Variants in CSMD3 observed in about 807,000 individuals in gnomAD.
CSMD3 encodes CUB and Sushi multiple domains 3.
A neutral mutation model predicts 435.2 loss-of-function variants in CSMD3; 177 were observed. That is an observed-to-expected ratio of 0.41 (90% CI 0.36 to 0.46). CSMD3 has a LOEUF of 0.46. Ranked by LOEUF, CSMD3 falls within the 20% of genes least tolerant of loss-of-function variation. CSMD3 has a pLI of 0.34. For synonymous variants in CSMD3, 1,656 were observed against 1,520.5 expected (o/e 1.09, Z -2.07); for missense variants, 4,265 against 4,504.6 (o/e 0.95, Z 1.52).
At chr8:113,397,904 T>C (rs2094491377) in intron 1 of CSMD3, among the ~76,000 whole-genome samples, 2 of 151,996 alleles carry the variant, frequency 1.3e-5, no homozygotes, top group Admixed American at 1.3e-4. Context: ...ACAGCTGAGT[T>C]CAAACAGCAG....
intron 64 of CSMD3, 124 bp downstream of exon 64, chr8:112,246,896 A>G (rs1033377491): frequency 2.7e-5 from 20 of 739,462 alleles, no homozygotes; most frequent in Non-Finnish European, 4.8e-5. Flanking sequence ...TGCATATAAT[A>G]TGTTTTATAA....
At chr8:113,431,686 A>G (rs2130082523) in intron 1 of CSMD3, among the ~76,000 whole-genome samples, 1 of 152,124 alleles carries the variant, frequency 6.6e-6, no homozygotes, top group East Asian at 1.9e-4. Flanking sequence ...TTTGCATTTG[A>G]GATCTTAGAA....
intron 32 of CSMD3, among the ~76,000 whole-genome samples, chr8:112,465,992 G>T (rs1462591067): frequency 6.8e-6 from 1 of 147,244 alleles, no homozygotes; most frequent in Non-Finnish European, 1.5e-5. Context: ...AAAAAAAAGA[G>T]TTCCCTGTTC....
chr8:112,608,590 AT>A (rs1832978330), intron 22 of CSMD3, among the ~76,000 whole-genome samples: 1 of 151,984 alleles, frequency 6.6e-6, no homozygotes, highest in Non-Finnish European at 1.5e-5. Context: ...AAAACTATAT[AT>A]ATATATATAC....
intron 9 of CSMD3, among the ~76,000 whole-genome samples, chr8:112,925,818 T>G (rs1159275236): frequency 6.6e-6 from 1 of 152,242 alleles, no homozygotes; most frequent in African/African-American, 2.4e-5. Context: ...GGCCCATGGA[T>G]GTCCTCTGAT....
At chr8:113,156,795 G>T (rs1241040717) in intron 4 of CSMD3, among the ~76,000 whole-genome samples, 4 of 141,724 alleles carry the variant, frequency 2.8e-5, no homozygotes, top group African/African-American at 5.2e-5. Flanking sequence ...GCCAGGCCTG[G>T]TGGCACATGC....
chr8:112,717,008 G>C (rs1302788245), intron 13 of CSMD3, among the ~76,000 whole-genome samples: 1 of 152,070 alleles, frequency 6.6e-6, no homozygotes, highest in African/African-American at 2.4e-5. Context: ...TATGGGCATG[G>C]GTAAAGATTT....
At chr8:112,633,952 A>C (rs2074586138) in intron 22 of CSMD3, among the ~76,000 whole-genome samples, 1 of 152,076 alleles carries the variant, frequency 6.6e-6, no homozygotes, top group African/African-American at 2.4e-5. Context: ...AAGAATGTTT[A>C]GATTCCAAAT....
chr8:113,198,686 G>C (rs2092686500), intron 3 of CSMD3, among the ~76,000 whole-genome samples: 1 of 150,932 alleles, frequency 6.6e-6, no homozygotes, highest in Non-Finnish European at 1.5e-5. Flanking sequence ...TGCAATGTTA[G>C]ATATTAATAT....
chr8:112,900,360 G>T (rs565800221), intron 10 of CSMD3, among the ~76,000 whole-genome samples: 1 of 151,282 alleles, frequency 6.6e-6, no homozygotes, highest in African/African-American at 2.4e-5. Context: ...TGGAAGATGA[G>T]ATGTGTCTCT....
chr8:112,831,963 T>A (rs1200240017), intron 11 of CSMD3, among the ~76,000 whole-genome samples: 1 of 152,166 alleles, frequency 6.6e-6, no homozygotes, highest in Non-Finnish European at 1.5e-5. Context: ...TGGATACTAA[T>A]CCCTTACATT....
intron 1 of CSMD3, among the ~76,000 whole-genome samples, chr8:113,383,006 T>C (rs1269945500): frequency 6.6e-6 from 1 of 151,382 alleles, no homozygotes; most frequent in Non-Finnish European, 1.5e-5. Flanking sequence ...ATAAAAGTAA[T>C]AAATAAACAG....
intron 38 of CSMD3, among the ~76,000 whole-genome samples, chr8:112,368,361 T>C (rs1827989992): frequency 6.6e-6 from 1 of 152,194 alleles, no homozygotes; most frequent in African/African-American, 2.4e-5. Flanking sequence ...TGAGTGAATC[T>C]CAGATAAACT....
intron 38 of CSMD3, among the ~76,000 whole-genome samples, chr8:112,374,817 A>T (rs1419112728): frequency 6.6e-6 from 1 of 152,176 alleles, no homozygotes; most frequent in Non-Finnish European, 1.5e-5. Flanking sequence ...CACATTTCAC[A>T]GATTGCATAA....
At chr8:112,415,559 G>A (rs922268894) in intron 32 of CSMD3, among the ~76,000 whole-genome samples, 1 of 152,172 alleles carries the variant, frequency 6.6e-6, no homozygotes, top group African/African-American at 2.4e-5. Flanking sequence ...ACTGCCTAGT[G>A]GAGCTATGAG....
chr8:112,953,524 C>T (rs967087753), intron 8 of CSMD3, among the ~76,000 whole-genome samples: 10 of 151,322 alleles, frequency 6.6e-5, no homozygotes, highest in African/African-American at 2.2e-4. Context: ...ACAGGTAACC[C>T]TACCAGATCA....
intron 1 of CSMD3, among the ~76,000 whole-genome samples, chr8:113,317,596 C>T (rs1190146346): frequency 6.6e-6 from 1 of 152,100 alleles, no homozygotes; most frequent in African/African-American, 2.4e-5. Flanking sequence ...TTAAACATAG[C>T]ATTATTCTCT....
chr8:112,735,874 TG>T (rs1295582043), intron 13 of CSMD3, among the ~76,000 whole-genome samples: 1 of 152,040 alleles, frequency 6.6e-6, no homozygotes, highest in Non-Finnish European at 1.5e-5. Flanking sequence ...GAATTATTTG[TG>T]GCCCAAGATA....
chr8:113,412,071 T>G (rs1389779439), intron 1 of CSMD3, among the ~76,000 whole-genome samples: 1 of 152,108 alleles, frequency 6.6e-6, no homozygotes, highest in African/African-American at 2.4e-5. Context: ...GCTATCATGA[T>G]TAAATGAGCT....
Sources: gnomAD v4.1 joint callset for allele counts (sites outside exome capture counted in the v4.1 genomes callset) on GRCh38, gnomAD v4.1.1 for gene constraint, MANE v1.5 for transcripts, NCBI Gene and HGNC (gene_info 2026-07-23, HGNC 2026-07-21) for gene names.